HCRTR2: variants seen among roughly 807,000 people sequenced by gnomAD.
HCRTR2 encodes the protein hypocretin receptor 2.
HCRTR2 carries 22 observed loss-of-function variants against 49.0 expected under a neutral mutation model. That is an observed-to-expected ratio of 0.45 (90% CI 0.32 to 0.64). The LOEUF is 0.64. HCRTR2 is among the 30% of genes least tolerant of loss of function. HCRTR2 has a pLI of 0.04. For synonymous variants in HCRTR2, 236 were observed against 205.3 expected (o/e 1.15, Z -1.28); for missense variants, 491 against 559.4 (o/e 0.88, Z 1.23).
chr6:55,132,733 C>T (rs1295663747), intron 1 of HCRTR2, among the ~76,000 whole-genome samples: 1 of 133,026 alleles, frequency 7.5e-6, no homozygotes, highest in South Asian at 2.5e-4. Flanking sequence ...CCATTTATAC[C>T]TCTCCCTCTC....
At chr6:55,157,738 G>A (rs1340344839) in intron 1 of HCRTR2, among the ~76,000 whole-genome samples, 1 of 152,198 alleles carries the variant, frequency 6.6e-6, no homozygotes. Context: ...GTCTCTGTTG[G>A]TAATACAAGG....
At chr6:55,122,319 T>C (rs1445479811) in intron 1 of HCRTR2, among the ~76,000 whole-genome samples, 1 of 152,188 alleles carries the variant, frequency 6.6e-6, no homozygotes, top group East Asian at 1.9e-4. Flanking sequence ...ATCCCCTTTA[T>C]CATTTTTTAT....
At chr6:55,173,003 A>G (rs2127268069), upstream of HCRTR2, among the ~76,000 whole-genome samples, 1 of 152,336 alleles carries the variant, frequency 6.6e-6, no homozygotes, top group East Asian at 1.9e-4. Context: ...CAAGATATTG[A>G]CAATTGTCTA....
At chr6:55,207,682 C>A (rs1048109788) in intron 1 of HCRTR2, among the ~76,000 whole-genome samples, 1 of 152,074 alleles carries the variant, frequency 6.6e-6, no homozygotes, top group Non-Finnish European at 1.5e-5. Context: ...CTAAACACTT[C>A]AAATGTTTAA....
chr6:55,172,041 AG>A (rs1433884487), upstream of HCRTR2, among the ~76,000 whole-genome samples: 1 of 152,206 alleles, frequency 6.6e-6, no homozygotes, highest in Non-Finnish European at 1.5e-5. Context: ...ATCGTGCCAG[AG>A]TATAAAGTTG....
intron 1 of HCRTR2, among the ~76,000 whole-genome samples, chr6:55,204,143 G>T (rs1358692280): frequency 6.6e-6 from 1 of 152,008 alleles, no homozygotes; most frequent in East Asian, 1.9e-4. Context: ...GGCCTAATCT[G>T]CTTACCTATC....
At chr6:55,138,207 T>C (rs1245066731) in intron 1 of HCRTR2, among the ~76,000 whole-genome samples, 1 of 151,406 alleles carries the variant, frequency 6.6e-6, no homozygotes, top group Admixed American at 6.5e-5. Context: ...AAAGATAGAA[T>C]AGTTAATTTT....
intron 1 of HCRTR2, among the ~76,000 whole-genome samples, chr6:55,243,550 T>C (rs1581852381): frequency 6.6e-6 from 1 of 152,184 alleles, no homozygotes; most frequent in East Asian, 1.9e-4. Context: ...CTGTTTAGAC[T>C]TTGTGCCTTT....
At chr6:55,132,941 T>C (rs1023921227) in intron 1 of HCRTR2, among the ~76,000 whole-genome samples, 1 of 151,732 alleles carries the variant, frequency 6.6e-6, no homozygotes, top group Admixed American at 6.6e-5. Context: ...TACAGAAGAC[T>C]TTTCAAAACC....
At chr6:55,224,131 T>A (rs1765951456) in intron 1 of HCRTR2, among the ~76,000 whole-genome samples, 1 of 152,206 alleles carries the variant, frequency 6.6e-6, no homozygotes. Context: ...AGTGTTGTAT[T>A]TTCTTAAATA....
intron 1 of HCRTR2, among the ~76,000 whole-genome samples, chr6:55,144,807 A>G (rs1163476882): frequency 6.6e-6 from 1 of 152,094 alleles, no homozygotes; most frequent in African/African-American, 2.4e-5. Context: ...TGTGTGCATT[A>G]GTGGCTTCCA....
intron 1 of HCRTR2, among the ~76,000 whole-genome samples, chr6:55,131,324 A>T (rs1581787530): frequency 6.6e-6 from 1 of 151,820 alleles, no homozygotes; most frequent in Non-Finnish European, 1.5e-5. Context: ...GAAAAGAAAA[A>T]CAAATGTAAT....
chr6:55,110,099 G>A (rs1482717448), intron 1 of HCRTR2, among the ~76,000 whole-genome samples: 1 of 152,072 alleles, frequency 6.6e-6, no homozygotes, highest in Non-Finnish European at 1.5e-5. Flanking sequence ...TATCAGCCAA[G>A]AATTTTGTAT....
intron 1 of HCRTR2, among the ~76,000 whole-genome samples, chr6:55,108,273 C>T (rs1020466760): frequency 1.1e-4 from 17 of 152,014 alleles, no homozygotes; most frequent in Non-Finnish European, 2.4e-4. Flanking sequence ...AGCTCCCACT[C>T]GGATGGACAG....
intron 1 of HCRTR2, among the ~76,000 whole-genome samples, chr6:55,196,084 A>G (rs1562003293): frequency 6.6e-6 from 1 of 152,244 alleles, no homozygotes; most frequent in African/African-American, 2.4e-5. Context: ...TTCCTATAGC[A>G]TAGAGATCTG....
chr6:55,111,876 T>C (rs1028550918), intron 1 of HCRTR2, among the ~76,000 whole-genome samples: 3 of 151,976 alleles, frequency 2.0e-5, no homozygotes, highest in Non-Finnish European at 1.5e-5. Context: ...CTGATGAACA[T>C]AGATGCAAAA....
At chr6:55,228,665 C>T (rs1406493126) in intron 1 of HCRTR2, among the ~76,000 whole-genome samples, 1 of 152,160 alleles carries the variant, frequency 6.6e-6, no homozygotes, top group Non-Finnish European at 1.5e-5. Flanking sequence ...CATTTATCTG[C>T]AGAAGTCTTA....
At chr6:55,164,477 A>T (rs1294833666) in intron 1 of HCRTR2, among the ~76,000 whole-genome samples, 2 of 152,190 alleles carry the variant, frequency 1.3e-5, no homozygotes, top group Non-Finnish European at 2.9e-5. Context: ...CTTTGCAGTG[A>T]CATGAATGAA....
intron 1 of HCRTR2, among the ~76,000 whole-genome samples, chr6:55,184,890 G>A (rs941571211): frequency 2.6e-5 from 4 of 152,162 alleles, no homozygotes; most frequent in African/African-American, 9.7e-5. Context: ...GGGGTCAGAA[G>A]GCCACCAGCT....
Sources: allele counts gnomAD v4.1 joint callset (sites outside exome capture counted in the v4.1 genomes callset), GRCh38; gene constraint gnomAD v4.1.1; transcripts MANE v1.5; gene names NCBI Gene and HGNC (gene_info 2026-07-23, HGNC 2026-07-21).